Variants in SLC2A9 observed in about 807,000 individuals in gnomAD.
SLC2A9 encodes the protein solute carrier family 2 member 9, also known as solute carrier family 2, facilitated glucose transporter member 9.
Under a neutral mutation model 50.6 loss-of-function variants are expected in SLC2A9, and 39 were observed. The observed-to-expected ratio is 0.77, with a 90% CI of 0.60 to 1.01. The LOEUF is 1.01. SLC2A9 is among the 50% of genes least tolerant of loss of function. The pLI, the probability that SLC2A9 is intolerant of heterozygous loss-of-function variation, is 0.00. For synonymous variants in SLC2A9, 324 were observed against 276.9 expected, an observed-to-expected ratio of 1.17 and a Z score of -1.69; for missense variants, 686 against 677.6, an observed-to-expected ratio of 1.01 and a Z score of -0.14.
intron 6 of SLC2A9, among the ~76,000 whole-genome samples, chr4:9,939,374 T>C (rs955211803): frequency 6.6e-6 from 1 of 152,244 alleles, no homozygotes; most frequent in Non-Finnish European, 1.5e-5. Flanking sequence ...TGTTTTGTTA[T>C]GCAGCATTAT....
At chr4:9,922,907 A>T (rs1744195551) in intron 6 of SLC2A9, 1 of 152,456 alleles carries the variant, frequency 6.6e-6, no homozygotes. Context: ...GCCCTGCAGG[A>T]CCCTGGCCCA....
intron 2 of SLC2A9, among the ~76,000 whole-genome samples, chr4:10,017,646 T>C (rs544735457): frequency 5.9e-5 from 9 of 152,238 alleles, no homozygotes; most frequent in Non-Finnish European, 1.3e-4. Flanking sequence ...AGGCTTCCCC[T>C]ATGTTTTGTA....
chr4:9,943,146 C>T (rs952616749), intron 5 of SLC2A9, among the ~76,000 whole-genome samples: 1 of 152,144 alleles, frequency 6.6e-6, no homozygotes, highest in Non-Finnish European at 1.5e-5. Context: ...GACTCGCTCC[C>T]TACTGAGGTC....
chr4:9,863,198 G>A (rs149185203), intron 10 of SLC2A9, among the ~76,000 whole-genome samples: 13 of 152,076 alleles, frequency 8.5e-5, no homozygotes, highest in African/African-American at 3.1e-4. Context: ...CCGGGCTGGA[G>A]TGCAGTGGCA....
intron 3 of SLC2A9, chr4:9,782,215 C>G (rs570059380): frequency 4.3e-6 from 7 of 1,611,896 alleles, no homozygotes; most frequent in Admixed American, 1.7e-5. Flanking sequence ...TGCTGGTGTG[C>G]GCAGCCATCG....
downstream of SLC2A9, among the ~76,000 whole-genome samples, chr4:9,777,798 A>T (rs1717764475): frequency 6.6e-6 from 1 of 152,202 alleles, no homozygotes; most frequent in African/African-American, 2.4e-5. Context: ...TAACGGCTGC[A>T]CTAGGAGCCA....
At chr4:9,777,634 C>T (rs540748185), downstream of SLC2A9, among the ~76,000 whole-genome samples, 99 of 152,312 alleles carry the variant, frequency 6.5e-4, no homozygotes, top group East Asian at 4.6e-3. Flanking sequence ...ACAGAATCCC[C>T]TTTTTGCTCA....
intron 10 of SLC2A9, among the ~76,000 whole-genome samples, chr4:9,841,804 A>G (rs891425060): frequency 6.6e-6 from 1 of 152,164 alleles, no homozygotes; most frequent in Non-Finnish European, 1.5e-5. Context: ...AAATTAGGAC[A>G]TAGTCTTAGG....
intron 10 of SLC2A9, among the ~76,000 whole-genome samples, chr4:9,844,149 T>TAAAAAAAAA (rs146298159): frequency 4.5e-5 from 3 of 66,854 alleles, no homozygotes; most frequent in African/African-American, 2.5e-4. Context: ...CCAGATTTAG[T>TAAAAAAAAA]AAAAAAAAAA....
intron 10 of SLC2A9, among the ~76,000 whole-genome samples, chr4:9,864,526 C>A (rs1327706010): frequency 2.6e-5 from 4 of 152,144 alleles, no homozygotes; most frequent in African/African-American, 9.7e-5. Flanking sequence ...CTTTATTGTC[C>A]ACCTTTCAGA....
intron 6 of SLC2A9, among the ~76,000 whole-genome samples, chr4:9,925,584 C>A (rs768891853): frequency 2.0e-5 from 3 of 152,134 alleles, no homozygotes; most frequent in African/African-American, 4.8e-5. Context: ...TAAAACCTAC[C>A]TATGAGGTTG....
At chr4:9,994,632 A>C (rs1354634614) in intron 3 of SLC2A9, among the ~76,000 whole-genome samples, 1 of 113,624 alleles carries the variant, frequency 8.8e-6, no homozygotes. Flanking sequence ...CCCTCATTTT[A>C]TAGGTAAGAA....
At position 9,976,226 on chromosome 4, in the gene SLC2A9, G is replaced by A. The variant is rs139416443; in HGVS notation, c.681+4366C>T. 2.7e-3 allele frequency among the ~76,000 whole-genome samples: 410 copies of A among 152,224 alleles called. 6 individuals are homozygous for A. Among genetic ancestry groups the A allele is most frequent in the African/African-American group, 9.6e-3 (399 of 41,530 alleles). ...CTCAATATACCCAGGAAATAAGTAC[G>A]CACACGTACCCTCTTAATTTAAAAT... On this transcript the variant is annotated intron_variant, in intron 5 of 11. Coordinates refer to ENST00000264784, the MANE Select transcript of SLC2A9 (RefSeq NM_020041.3).
At chr4:9,944,623 C>G (rs1183851404) in intron 5 of SLC2A9, among the ~76,000 whole-genome samples, 1 of 152,162 alleles carries the variant, frequency 6.6e-6, no homozygotes, top group East Asian at 1.9e-4. Flanking sequence ...GCAGTGGCCA[C>G]TCTGCACACA....
intron 11 of SLC2A9, among the ~76,000 whole-genome samples, chr4:9,827,810 G>T (rs371927101): frequency 6.6e-6 from 1 of 152,198 alleles, no homozygotes; most frequent in African/African-American, 2.4e-5. Flanking sequence ...GGAGAAGGGG[G>T]AGAGTATGGG....
At chr4:10,022,443 T>C (rs1763570198), upstream of SLC2A9, among the ~76,000 whole-genome samples, 1 of 152,280 alleles carries the variant, frequency 6.6e-6, no homozygotes, top group Non-Finnish European at 1.5e-5. Context: ...AGCCCCAGGC[T>C]GGCTCAAGGA....
intron 11 of SLC2A9, among the ~76,000 whole-genome samples, chr4:9,832,204 T>C (rs1726277766): frequency 6.6e-6 from 1 of 152,110 alleles, no homozygotes; most frequent in African/African-American, 2.4e-5. Flanking sequence ...CTAGAACACA[T>C]ACACGTTGCT....
chr4:9,771,256 A>T (rs1716777778), exon 2 of SLC2A9: 2 of 377,390 alleles, frequency 5.3e-6, no homozygotes, highest in Non-Finnish European at 9.4e-6. Flanking sequence ...GTGCAGAAAA[A>T]GAAGGGTTTC....
At chr4:9,932,442 T>C (rs1183075220) in intron 6 of SLC2A9, among the ~76,000 whole-genome samples, 1 of 152,180 alleles carries the variant, frequency 6.6e-6, no homozygotes, top group African/African-American at 2.4e-5. Context: ...AGGGGAGTGA[T>C]ACTAAGCAAA....
Sources: gnomAD v4.1 joint callset for allele counts (sites outside exome capture counted in the v4.1 genomes callset) on GRCh38, gnomAD v4.1.1 for gene constraint, MANE v1.5 for transcripts, NCBI Gene and HGNC (gene_info 2026-07-23, HGNC 2026-07-21) for gene names.